Variants in LOXHD1 observed in about 807,000 individuals in gnomAD.
LOXHD1 encodes the protein lipoxygenase homology PLAT domains 1.
LOXHD1 carries 205 observed loss-of-function variants against 248.2 expected under a neutral mutation model. The ratio of observed to expected loss-of-function variants is 0.83; its 90% CI spans 0.74 to 0.93. The LOEUF is 0.93. Ranked by LOEUF, LOXHD1 falls within the 40% of genes least tolerant of loss-of-function variation. LOXHD1 has a pLI of 0.00. For synonymous variants in LOXHD1, 1,113 were observed against 1,162.8 expected (o/e 0.96, Z 0.87); for missense variants, 2,930 against 2,971.6 (o/e 0.99, Z 0.33).
chr18:46,589,292 A>G (rs891248329), intron 12 of LOXHD1, among the ~76,000 whole-genome samples: 17 of 152,146 alleles, frequency 1.1e-4, no homozygotes, highest in African/African-American at 3.6e-4. Flanking sequence ...CAGCTGACCA[A>G]TTGTTACCTC....
Position 46,534,372 on chromosome 18 carries a change from G to C in LOXHD1, c.4175C>G (p.Ser1392Cys), listed in dbSNP as rs368238996. 30 of 1,551,664 alleles carry C rather than the reference G, an allele frequency of 1.9e-5. No homozygotes were observed. The highest frequency in any genetic ancestry group is 1.8e-4 in the African/African-American group (13 of 73,164). ...NTGMNPGWHC[S>C]HVDIRRLLPD... is the part of the protein sequence containing the mutation. ...GAGGAGCCTGCGGATGTCCACGTGA[G>C]AGCAGTGCCACCCAGGATTCATGCC... Residue 1392 changes from serine to cysteine, a missense_variant, in exon 27 of 41, where the codon TCT (serine) becomes TGT (cysteine). Ser to Cys is a moderately radical substitution (Grantham distance 112). Coordinates refer to ENST00000642948, the MANE Select transcript of LOXHD1 (RefSeq NM_001384474.1).
chr18:46,568,755 G>A (rs1447927360), intron 16 of LOXHD1, among the ~76,000 whole-genome samples: 1 of 152,092 alleles, frequency 6.6e-6, no homozygotes, highest in African/African-American at 2.4e-5. Flanking sequence ...CCTTTAAAGA[G>A]GTTTGCAAAC....
rs59741286 is a variant in LOXHD1, at chr18:46,586,752, C to T, written c.1654+5181G>A. On this transcript the variant is annotated intron_variant, in intron 12 of 40. Transcript: ENST00000642948. ...CATGAGCCACTGCGTCCCGCCATAG[C>T]TGTTGTTTTTAAAAATGGACATGAT... is the stretch of plus-strand genomic sequence containing the variant. 3.3e-3 allele frequency among the ~76,000 whole-genome samples: 496 copies of T among 152,262 alleles called. 9 individuals are homozygous for T. In the East Asian group the frequency reaches 0.037, roughly 11 times the overall value.
At chr18:46,499,923 T>A (rs2034117499) in intron 37 of LOXHD1, among the ~76,000 whole-genome samples, 1 of 152,196 alleles carries the variant, frequency 6.6e-6, no homozygotes, top group Admixed American at 6.5e-5. Flanking sequence ...CTCTATTAAA[T>A]TTATGTCCGG....
chr18:46,568,071 T>G (rs79810806), intron 16 of LOXHD1, among the ~76,000 whole-genome samples: 5,010 of 152,318 alleles, frequency 0.033, 208 homozygotes, highest in African/African-American at 0.091. Context: ...TGATTTAAGT[T>G]CATTAACCTC....
intron 37 of LOXHD1, among the ~76,000 whole-genome samples, chr18:46,494,123 G>A (rs2033676453): frequency 6.6e-6 from 1 of 152,022 alleles, no homozygotes; most frequent in Non-Finnish European, 1.5e-5. Flanking sequence ...CATTCTCTTG[G>A]CCATGAGCAC....
rs778677721 is a variant in LOXHD1 at position 46,653,145 on chromosome 18, G to A, written c.130+3759C>T. ...ACCTGTAATTCCAGCTACTCAGGAC[G>A]CTGAGGCAGGAGAATTGCTTGAACC... On this transcript the variant is annotated intron_variant, in intron 1 of 40. Coordinates refer to ENST00000642948, the MANE Select transcript of LOXHD1 (RefSeq NM_001384474.1). Among the ~76,000 whole-genome samples, 97 of 152,166 alleles carry A rather than the reference G, an allele frequency of 6.4e-4. 1 individual carries two copies. The highest frequency in any genetic ancestry group is 2.8e-4 in the Non-Finnish European group (19 of 68,044).
At chr18:46,486,903 G>C (rs558201902) in intron 38 of LOXHD1, among the ~76,000 whole-genome samples, 1 of 152,304 alleles carries the variant, frequency 6.6e-6, no homozygotes, top group Admixed American at 6.5e-5. Flanking sequence ...GTGGTCTTTT[G>C]AGAGGAAGTT....
chr18:46,520,979 C>T, intron 33 of LOXHD1, 118 bp downstream of exon 33: 1 of 1,222,256 alleles, frequency 8.2e-7, no homozygotes, highest in Non-Finnish European at 1.1e-6. Context: ...GGCTGCAGCG[C>T]CTGCGGATGC....
intron 2 of LOXHD1, among the ~76,000 whole-genome samples, chr18:46,643,846 A>G (rs1434515660): frequency 6.6e-6 from 1 of 152,200 alleles, no homozygotes; most frequent in African/African-American, 2.4e-5. Context: ...CCTATTGTAA[A>G]AAAAAATACT....
chr18:46,591,928 C>T lies in LOXHD1; in HGVS notation c.1654+5G>A. On this transcript the variant is annotated splice_donor_5th_base_variant and intron_variant, in intron 12 of 40. Transcript: ENST00000642948. ...TCCCAGGATGGAGAGCCTGTCAGTACTTACTGCCCATGATCCTGCGCACTG... is the reference window on the plus strand; with the variant it reads ...TCCCAGGATGGAGAGCCTGTCAGTATTTACTGCCCATGATCCTGCGCACTG... 6.4e-7 allele frequency: 1 copy of T among 1,551,736 alleles called. No homozygotes were observed. Among genetic ancestry groups the T allele is most frequent in the Non-Finnish European group, 8.7e-7 (1 of 1,146,952 alleles).
Position 46,616,230 on chromosome 18 carries a change from C to T in LOXHD1, c.610+1962G>A, listed in dbSNP as rs16939784. 7.5e-3 allele frequency among the ~76,000 whole-genome samples: 1,149 copies of T among 152,194 alleles called. 21 individuals are homozygous for T. Among genetic ancestry groups the T allele is most frequent in the African/African-American group, 0.025 (1,041 of 41,530 alleles). On this transcript the variant is annotated intron_variant, in intron 5 of 40. Transcript: ENST00000642948. ...CTTCCCTTTCTTCATTTCCTTCCTT[C>T]GATTGGATTGATTCTTTATTCCCTT...
At chr18:46,498,363 A>G (rs752760254) in intron 37 of LOXHD1, among the ~76,000 whole-genome samples, 1 of 152,146 alleles carries the variant, frequency 6.6e-6, no homozygotes, top group Non-Finnish European at 1.5e-5. Flanking sequence ...GACCCTAGGG[A>G]AGTCTTTACT....
chr18:46,657,132 G>T lies in LOXHD1; in HGVS notation c.-99C>A, dbSNP rs1204164289. Reference sequence around the variant, plus strand: ...TCCTCCCTGAGCTCTGGCGCCCACGGCCCTCCTATAGCTCAGGCCTGGGTG... The same window carrying T: ...TCCTCCCTGAGCTCTGGCGCCCACGTCCCTCCTATAGCTCAGGCCTGGGTG... On this transcript the variant is annotated 5_prime_UTR_variant, in exon 1 of 41. Transcript: ENST00000642948. The T allele has an allele frequency of 1.3e-6, 2 of 1,536,682 alleles. No homozygotes were observed. The highest frequency in any genetic ancestry group is 1.8e-6 in the Non-Finnish European group (2 of 1,139,906).
chr18:46,647,762 C>G (rs2039050958), intron 2 of LOXHD1, among the ~76,000 whole-genome samples: 1 of 152,206 alleles, frequency 6.6e-6, no homozygotes, highest in African/African-American at 2.4e-5. Flanking sequence ...TGGCCAGCCC[C>G]CAAGGTACAG....
intron 6 of LOXHD1, among the ~76,000 whole-genome samples, chr18:46,606,815 A>G (rs2038420894): frequency 6.6e-6 from 1 of 152,196 alleles, no homozygotes; most frequent in African/African-American, 2.4e-5. Flanking sequence ...ACATTTGACC[A>G]AAGGAGATTG....
chr18:46,483,862 A>G, intron 39 of LOXHD1, 117 bp from the exon 40 acceptor site: 1 of 1,226,392 alleles, frequency 8.2e-7, no homozygotes, highest in Admixed American at 2.3e-5. Context: ...TGGGATGGCA[A>G]GCAGGAGCTC....
intron 37 of LOXHD1, among the ~76,000 whole-genome samples, chr18:46,502,647 G>A (rs2034308815): frequency 1.3e-5 from 2 of 152,112 alleles, no homozygotes. Flanking sequence ...TCTTGCCCCT[G>A]CCCCTGCCCC....
At chr18:46,656,745 T>C (rs2039187221) in intron 1 of LOXHD1, among the ~76,000 whole-genome samples, 159 bp downstream of exon 1, 1 of 152,158 alleles carries the variant, frequency 6.6e-6, no homozygotes, top group Non-Finnish European at 1.5e-5. Context: ...GCATAATGCC[T>C]GCCTTCTTAC....
Sources: gnomAD v4.1 joint callset for allele counts (sites outside exome capture counted in the v4.1 genomes callset) on GRCh38, gnomAD v4.1.1 for gene constraint, MANE v1.5 for transcripts, NCBI Gene and HGNC (gene_info 2026-07-23, HGNC 2026-07-21) for gene names.